The following USP14 variants were observed in gnomAD, a reference collection of about 807,000 sequenced individuals.
USP14 encodes the protein ubiquitin specific peptidase 14.
A neutral mutation model predicts 76.5 loss-of-function variants in USP14; 38 were observed. The observed-to-expected ratio is 0.50, with a 90% CI of 0.38 to 0.65. USP14 has a LOEUF of 0.65. Ranked by LOEUF, USP14 falls within the 30% of genes least tolerant of loss-of-function variation. The pLI, the probability that USP14 is intolerant of heterozygous loss-of-function variation, is 0.00. For missense variants in USP14, 467 were observed against 586.5 expected (o/e 0.80, Z 2.10); for synonymous variants, 192 against 191.7 (o/e 1.00, Z -0.01).
At chr18:197,288 A>G (rs1910263409) in intron 7 of USP14, among the ~76,000 whole-genome samples, 1 of 152,176 alleles carries the variant, frequency 6.6e-6, no homozygotes, top group African/African-American at 2.4e-5. Flanking sequence ...TTGGAACAGC[A>G]CACTTCCCTT....
At chr18:178,524 G>A (rs192364491) in intron 3 of USP14, among the ~76,000 whole-genome samples, 8 of 152,212 alleles carry the variant, frequency 5.3e-5, no homozygotes, top group Admixed American at 4.6e-4. Context: ...GACTTTGGGC[G>A]ATTCTATATT....
In USP14 at chr18:204,650, C is replaced by A; in HGVS notation, c.1122C>A (p.Phe374Leu). The A allele has an allele frequency of 3.7e-6, 6 of 1,613,284 alleles. No individual in the cohort carries two copies. Among genetic ancestry groups the A allele is most frequent in the Non-Finnish European group, 4.2e-6 (5 of 1,179,716 alleles). ...QEKMVSFRSKFKDLEDKKVNQ... is the reference protein window; with the variant it reads ...QEKMVSFRSKLKDLEDKKVNQ... ...AAATGGTGTCTTTTCGATCCAAATT[C>A]AAGGATCTAGAAGATAAAAAAGTGA... is the stretch of plus-strand genomic sequence containing the variant. The change falls in exon 13 of 16, where the codon TTC becomes TTA. Residue 374 changes from phenylalanine to leucine, a missense_variant. Coordinates refer to ENST00000261601, the MANE Select transcript of USP14 (RefSeq NM_005151.4).
chr18:200,780 GTTTATTTTAT>G (rs150097778), intron 10 of USP14, among the ~76,000 whole-genome samples: 10,215 of 152,040 alleles, frequency 0.067, 704 homozygotes, highest in East Asian at 0.33. Flanking sequence ...AATTAGGATT[GTTTATTTTAT>G]TTTATTTTAT....
At chr18:174,268 C>CTTTT (rs34265974) in intron 3 of USP14, among the ~76,000 whole-genome samples, 2 of 130,550 alleles carry the variant, frequency 1.5e-5, no homozygotes, top group African/African-American at 2.8e-5. Flanking sequence ...GTTTTTCTTT[C>CTTTT]TTTTTTTTTT....
chr18:206,512 T>A (rs1910532640), intron 13 of USP14, among the ~76,000 whole-genome samples: 1 of 152,232 alleles, frequency 6.6e-6, no homozygotes, highest in South Asian at 2.1e-4. Context: ...CCTCTTAACC[T>A]AGGGTCTTTT....
rs1442438737 is a variant in USP14, at chr18:213,915, G to C, written c.*2631G>C. ...GGCTAGAAGGAAAAGTGAGGTTTTA[G>C]ACTTCATTTCTTTTAAAGTTGGCAA... is the stretch of plus-strand genomic sequence containing the variant. On this transcript the variant is annotated 3_prime_UTR_variant, in exon 16 of 16. Transcript: ENST00000261601. 2 of 152,120 alleles carry C rather than the reference G, an allele frequency of 1.3e-5. No individual in the cohort carries two copies. Among genetic ancestry groups the C allele is most frequent in the Admixed American group, 6.6e-5 (1 of 15,248 alleles). 9.4% of individuals were successfully genotyped at this position (152,120 alleles called of 1,614,324 possible). A position where few individuals can be genotyped will look rare whatever the true frequency, so the allele number is the denominator to read the frequency against.
At chr18:178,733 A>G (rs904593939) in intron 3 of USP14, among the ~76,000 whole-genome samples, 200 bp from the exon 4 acceptor site, 2 of 152,150 alleles carry the variant, frequency 1.3e-5, no homozygotes, top group African/African-American at 4.8e-5. Context: ...ATTACCCCAG[A>G]AAGAAACTTG....
At chr18:199,132 ATGTAT>A in intron 9 of USP14, 65 bp from the exon 10 acceptor site, 1 of 916,818 alleles carries the variant, frequency 1.1e-6, no homozygotes, top group Non-Finnish European at 1.7e-6. Flanking sequence ...AATTAGGATA[ATGTAT>A]TATATTCAAG....
At chr18:191,080 T>C (rs1910072009) in intron 5 of USP14, among the ~76,000 whole-genome samples, 1 of 152,168 alleles carries the variant, frequency 6.6e-6, no homozygotes, top group Non-Finnish European at 1.5e-5. Context: ...AGCGATTATA[T>C]AGCTAATTAC....
chr18:176,321 T>G (rs1402135252), intron 3 of USP14, among the ~76,000 whole-genome samples: 1 of 152,142 alleles, frequency 6.6e-6, no homozygotes, highest in Non-Finnish European at 1.5e-5. Context: ...GGTGGTGACT[T>G]TTTTGGTTTG....
intron 2 of USP14, among the ~76,000 whole-genome samples, chr18:164,970 T>G (rs1296162193): frequency 6.6e-6 from 1 of 151,992 alleles, no homozygotes; most frequent in Non-Finnish European, 1.5e-5. Context: ...TTTTTGGGAT[T>G]GAGTCTCCCT....
chr18:160,092 T>G (rs1367161366), intron 1 of USP14, among the ~76,000 whole-genome samples: 1 of 152,074 alleles, frequency 6.6e-6, no homozygotes, highest in Non-Finnish European at 1.5e-5. Flanking sequence ...TCACTTGAGG[T>G]CAGGAGTTCG....
At chr18:170,739 C>T (rs1234984955) in intron 3 of USP14, among the ~76,000 whole-genome samples, 4 of 151,996 alleles carry the variant, frequency 2.6e-5, no homozygotes, top group African/African-American at 7.2e-5. Context: ...ACATTGTCCT[C>T]ATCAGACTAA....
rs1567839192 is a variant in USP14 at position 213,387 on chromosome 18, A to T, written c.*2103A>T. ...AGCTTGATTTTTTTATTTGATCTAA[A>T]AAAGCATTATTCCAAAGAATTTTTT... On this transcript the variant is annotated 3_prime_UTR_variant, in exon 16 of 16. Transcript: ENST00000261601. The T allele has an allele frequency of 2.0e-5, 3 of 152,194 alleles. No individual in the cohort carries two copies. Among genetic ancestry groups the T allele is most frequent in the Non-Finnish European group, 4.4e-5 (3 of 68,028 alleles). The allele number at this position is 152,194 out of a possible 1,614,324, so 9.4% of individuals were successfully genotyped here. A position where few individuals can be genotyped will look rare whatever the true frequency, so the allele number is the denominator to read the frequency against.
chr18:162,682 T>C (rs928247028), intron 1 of USP14, among the ~76,000 whole-genome samples: 6 of 152,194 alleles, frequency 3.9e-5, no homozygotes, highest in African/African-American at 9.7e-5. Flanking sequence ...GCGAAACTTA[T>C]CATTTTGGGA....
At chr18:195,670 G>C (rs1910211567) in intron 6 of USP14, among the ~76,000 whole-genome samples, 1 of 152,184 alleles carries the variant, frequency 6.6e-6, no homozygotes, top group Non-Finnish European at 1.5e-5. Flanking sequence ...AGTAGAGTCA[G>C]CTGTTTAAGG....
intron 5 of USP14, among the ~76,000 whole-genome samples, chr18:184,710 G>T (rs1346327320): frequency 6.6e-6 from 1 of 152,182 alleles, no homozygotes; most frequent in Non-Finnish European, 1.5e-5. Context: ...CGAGTCTGCA[G>T]TGAGCCATCA....
intron 10 of USP14, among the ~76,000 whole-genome samples, chr18:199,852 G>T (rs761572728): frequency 6.6e-6 from 1 of 152,180 alleles, no homozygotes; most frequent in African/African-American, 2.4e-5. Flanking sequence ...ATCTAATCCT[G>T]TATTTCCCCT....
chr18:175,902 A>G (rs1178015402), intron 3 of USP14, among the ~76,000 whole-genome samples: 1 of 152,122 alleles, frequency 6.6e-6, no homozygotes, highest in East Asian at 1.9e-4. Context: ...GACTTTAAGA[A>G]TTTAGTGTCT....
Sources: allele counts gnomAD v4.1 joint callset (sites outside exome capture counted in the v4.1 genomes callset), GRCh38; gene constraint gnomAD v4.1.1; transcripts MANE v1.5; gene names NCBI Gene and HGNC (gene_info 2026-07-23, HGNC 2026-07-21).